Variants in MACROD2 observed in about 807,000 individuals in gnomAD.
The protein encoded by MACROD2 is mono-ADP ribosylhydrolase 2.
MACROD2 carries 36 observed loss-of-function variants against 70.4 expected under a neutral mutation model. The ratio of observed to expected loss-of-function variants is 0.51; its 90% CI spans 0.39 to 0.68. The LOEUF is 0.68. Ranked by LOEUF, MACROD2 falls within the 30% of genes least tolerant of loss-of-function variation. MACROD2 has a pLI of 0.00. For synonymous variants in MACROD2, 172 were observed against 178.8 expected (o/e 0.96, Z 0.30); for missense variants, 496 against 538.4 (o/e 0.92, Z 0.78).
intron 5 of MACROD2, among the ~76,000 whole-genome samples, chr20:14,896,093 G>A (rs1281541333): frequency 2.6e-5 from 4 of 152,104 alleles, no homozygotes; most frequent in African/African-American, 7.2e-5. Flanking sequence ...CCAGGAGTTC[G>A]AGACCAGCCT....
chr20:14,052,209 T>G (rs189207648), intron 2 of MACROD2, among the ~76,000 whole-genome samples: 1 of 152,244 alleles, frequency 6.6e-6, no homozygotes, highest in African/African-American at 2.4e-5. Context: ...GTCTTTTTTC[T>G]TTTTCTGTTC....
chr20:15,016,988 G>A (rs574042466), intron 5 of MACROD2, among the ~76,000 whole-genome samples: 2 of 152,080 alleles, frequency 1.3e-5, no homozygotes, highest in African/African-American at 2.4e-5. Context: ...ACCATATCAT[G>A]CTGCCCTTGG....
intron 5 of MACROD2, among the ~76,000 whole-genome samples, chr20:14,981,822 A>G (rs1268400208): frequency 1.3e-5 from 2 of 152,118 alleles, no homozygotes; most frequent in East Asian, 3.9e-4. Context: ...CAGTGTGAAA[A>G]TGGACTAATG....
intron 6 of MACROD2, among the ~76,000 whole-genome samples, chr20:15,382,098 A>G (rs773746130): frequency 2.0e-5 from 3 of 152,180 alleles, no homozygotes; most frequent in Non-Finnish European, 2.9e-5. Flanking sequence ...ACTAGTCACA[A>G]TAGGACTTTG....
chr20:14,474,773 A>G (rs1288711036), intron 3 of MACROD2, among the ~76,000 whole-genome samples: 2 of 152,084 alleles, frequency 1.3e-5, no homozygotes, highest in African/African-American at 4.8e-5. Flanking sequence ...TTTTATCTGC[A>G]ATGAATGTTG....
chr20:16,013,362 A>G (rs1390349684), intron 15 of MACROD2, among the ~76,000 whole-genome samples: 1 of 152,218 alleles, frequency 6.6e-6, no homozygotes, highest in Non-Finnish European at 1.5e-5. Flanking sequence ...AGAACCTAAA[A>G]TAGAAATTGT....
intron 3 of MACROD2, among the ~76,000 whole-genome samples, chr20:14,201,885 A>G (rs558060441): frequency 6.6e-6 from 1 of 151,994 alleles, no homozygotes; most frequent in East Asian, 1.9e-4. Context: ...ATTAAAATCT[A>G]AAAGTGGGAT....
chr20:15,574,154 C>T (rs1440630122), intron 8 of MACROD2, among the ~76,000 whole-genome samples: 1 of 152,134 alleles, frequency 6.6e-6, no homozygotes, highest in African/African-American at 2.4e-5. Flanking sequence ...CAAGCATGTG[C>T]AGACACCAGG....
intron 8 of MACROD2, among the ~76,000 whole-genome samples, chr20:15,583,303 G>C (rs2146651379): frequency 6.6e-6 from 1 of 152,292 alleles, no homozygotes; most frequent in East Asian, 1.9e-4. Flanking sequence ...ATAAAGAAAT[G>C]TGAAAAACGG....
chr20:14,451,918 A>G (rs1276586572), intron 3 of MACROD2, among the ~76,000 whole-genome samples: 2 of 152,166 alleles, frequency 1.3e-5, no homozygotes, highest in Non-Finnish European at 2.9e-5. Flanking sequence ...GAATTTTATA[A>G]AAATTCTGTG....
chr20:15,638,714 A>C (rs2049407997), intron 8 of MACROD2, among the ~76,000 whole-genome samples: 1 of 152,216 alleles, frequency 6.6e-6, no homozygotes, highest in African/African-American at 2.4e-5. Context: ...GAGCATTATA[A>C]AATCAGAATT....
intron 10 of MACROD2, among the ~76,000 whole-genome samples, chr20:15,895,579 C>T (rs1036889401): frequency 1.1e-4 from 17 of 152,180 alleles, no homozygotes; most frequent in Non-Finnish European, 2.2e-4. Flanking sequence ...AAGAAGAGCC[C>T]CAGAATCACT....
intron 8 of MACROD2, among the ~76,000 whole-genome samples, chr20:15,594,531 G>A (rs936469361): frequency 4.6e-5 from 7 of 152,262 alleles, no homozygotes; most frequent in South Asian, 2.1e-4. Flanking sequence ...TAACATGTGC[G>A]GGTTTCCATG....
intron 2 of MACROD2, among the ~76,000 whole-genome samples, chr20:14,021,187 C>T (rs1469989203): frequency 2.6e-5 from 4 of 152,134 alleles, no homozygotes; most frequent in East Asian, 1.9e-4. Context: ...GACGCGGTTT[C>T]ACCGTGTTAG....
chr20:14,506,051 G>T (rs921958283), intron 4 of MACROD2, among the ~76,000 whole-genome samples: 1 of 152,282 alleles, frequency 6.6e-6, no homozygotes, highest in East Asian at 1.9e-4. Flanking sequence ...GAGTGTTGGG[G>T]GGTGGGCAGG....
chr20:15,357,609 T>G (rs998758623), intron 6 of MACROD2, among the ~76,000 whole-genome samples: 33 of 152,292 alleles, frequency 2.2e-4, no homozygotes, highest in African/African-American at 7.9e-4. Context: ...GTTTATCCAG[T>G]ACATATAAGG....
At chr20:14,001,647 C>T (rs762773334) in intron 1 of MACROD2, among the ~76,000 whole-genome samples, 8 of 152,018 alleles carry the variant, frequency 5.3e-5, no homozygotes, top group Admixed American at 4.6e-4. Flanking sequence ...CTGCAGGCAA[C>T]ACAAGGATAG....
intron 8 of MACROD2, among the ~76,000 whole-genome samples, chr20:15,701,720 A>G (rs2050462202): frequency 6.6e-6 from 1 of 152,186 alleles, no homozygotes; most frequent in Admixed American, 6.5e-5. Context: ...TTATGGGAGC[A>G]TATTGGGTGA....
At chr20:15,015,672 T>A (rs1168448608) in intron 5 of MACROD2, among the ~76,000 whole-genome samples, 1 of 152,210 alleles carries the variant, frequency 6.6e-6, no homozygotes, top group Admixed American at 6.5e-5. Flanking sequence ...AATTGTTGAG[T>A]TCTAGGTATC....
Sources: gnomAD v4.1 joint callset for allele counts (sites outside exome capture counted in the v4.1 genomes callset) on GRCh38, gnomAD v4.1.1 for gene constraint, MANE v1.5 for transcripts, NCBI Gene and HGNC (gene_info 2026-07-23, HGNC 2026-07-21) for gene names.